The following CSN1S1 variants were observed in gnomAD, a reference collection of about 807,000 sequenced individuals.
The protein encoded by CSN1S1 is alpha-S1-casein.
CSN1S1 carries 63 observed loss-of-function variants against 49.1 expected under a neutral mutation model. That is an observed-to-expected ratio of 1.28 (90% CI 1.05 to 1.58). The LOEUF is 1.58. CSN1S1 is among the 40% of genes most tolerant of loss of function. The pLI is 0.00. For synonymous variants in CSN1S1, 78 were observed against 67.1 expected (o/e 1.16, Z -0.79); for missense variants, 260 against 224.7 (o/e 1.16, Z -1.01).
chr4:69,938,302 G>T (rs1419950853), intron 9 of CSN1S1, among the ~76,000 whole-genome samples: 1 of 151,752 alleles, frequency 6.6e-6, no homozygotes. Flanking sequence ...GTATAGGTTG[G>T]TGCAAAAGTT....
In CSN1S1 at chr4:69,932,598, GC is replaced by G; in HGVS notation, c.45del (p.Arg16GlyfsTer24). 6.3e-7 allele frequency: 1 copy of G among 1,598,528 alleles called. No homozygotes were observed. Among genetic ancestry groups the G allele is most frequent in the Non-Finnish European group, 8.5e-7 (1 of 1,171,012 alleles). ...CACCTGTCTTGTGGCTGTTGCTCTT[GC>G]CAGGCCTGTAAGTTCAGTAGAGAAT... ...ILTCLVAVALARPKLPLRYPE... is the reference protein window; with the variant it reads ...ILTCLVAVALXRPKLPLRYPE... On this transcript the variant is annotated frameshift_variant, in exon 2 of 16. Coordinates refer to ENST00000246891, the MANE Select transcript of CSN1S1 (RefSeq NM_001890.2). LOFTEE classifies it high-confidence loss of function.
chr4:69,946,149 A>C (rs201159299), intron 15 of CSN1S1, 47 bp from the exon 16 acceptor site: 90 of 479,038 alleles, frequency 1.9e-4, no homozygotes, highest in African/African-American at 1.6e-3. Context: ...TCTTTTCTTC[A>C]AAAATATTTA....
intron 15 of CSN1S1, 34 bp from the exon 16 acceptor site, chr4:69,946,162 A>G (rs1723159804): frequency 3.9e-6 from 2 of 511,434 alleles, no homozygotes; most frequent in Non-Finnish European, 7.2e-6. Flanking sequence ...AATATTTAAT[A>G]TAACTCACCA....
At position 69,941,074 on chromosome 4, in the gene CSN1S1, C is replaced by T; in HGVS notation, c.342+14C>T. ...CAACTTCAGCTGGTAATATTTTATT[C>T]ATTATAATACAAAATCATATTCTAC... On this transcript the variant is annotated intron_variant, in intron 12 of 15. Transcript: ENST00000246891. 7.5e-7 allele frequency: 1 copy of T among 1,338,234 alleles called. No individual in the cohort carries two copies. The highest frequency in any genetic ancestry group is 1.4e-5 in the South Asian group (1 of 72,776). 82.9% of individuals were successfully genotyped at this position (1,338,234 alleles called of 1,614,324 possible).
At position 69,944,954 on chromosome 4, in the gene CSN1S1, T is replaced by C; in HGVS notation, c.507T>C (p.Asn169=). 1.2e-6 allele frequency: 2 copies of C among 1,612,848 alleles called. No individual in the cohort carries two copies. Among genetic ancestry groups the C allele is most frequent in the Non-Finnish European group, 1.7e-6 (2 of 1,179,232 alleles). ...VPFPPFSDIS[N]PTAHENYEKN... ...TCCCACCGTTTTCCGACATCTCCAATCCCACTGCTCATGAAAATTATGAAA... is the reference window on the plus strand; with the variant it reads ...TCCCACCGTTTTCCGACATCTCCAACCCCACTGCTCATGAAAATTATGAAA... Residue 169 remains asparagine (N), a synonymous_variant, in exon 15 of 16, where the codon AAT becomes AAC. Coordinates refer to ENST00000246891, the MANE Select transcript of CSN1S1 (RefSeq NM_001890.2).
intron 8 of CSN1S1, 51 bp downstream of exon 8, chr4:69,937,195 A>T: frequency 8.2e-7 from 1 of 1,213,798 alleles, no homozygotes; most frequent in Non-Finnish European, 1.1e-6. Flanking sequence ...AAAAGAAACA[A>T]TACATATTTC....
chr4:69,938,988 C>T (rs1410916317), intron 9 of CSN1S1, among the ~76,000 whole-genome samples, 188 bp from the exon 10 acceptor site: 1 of 151,662 alleles, frequency 6.6e-6, no homozygotes, highest in Non-Finnish European at 1.5e-5. Context: ...ATTAAACCTA[C>T]CACCATAATT....
intron 12 of CSN1S1, among the ~76,000 whole-genome samples, chr4:69,941,597 C>T (rs568664311): frequency 5.3e-5 from 8 of 151,760 alleles, no homozygotes; most frequent in East Asian, 1.9e-4. Context: ...ACAAATTTGA[C>T]GTAATGAAGG....
At chr4:69,936,064 A>G in intron 5 of CSN1S1, 115 bp downstream of exon 5, 1 of 816,000 alleles carries the variant, frequency 1.2e-6, no homozygotes, top group Non-Finnish European at 2.0e-6. Flanking sequence ...AACAAATTTG[A>G]GTGGAACAAA....
Position 69,945,685 on chromosome 4 carries a change from T to A in CSN1S1, c.*-511T>A, listed in dbSNP as rs140462187. Among the ~76,000 whole-genome samples the A allele has an allele frequency of 2.0e-5, 3 of 152,072 alleles. No individual in the cohort carries two copies. In the East Asian group the frequency reaches 5.8e-4, roughly 29 times the overall value. On this transcript the variant is annotated intron_variant, in intron 15 of 15. Coordinates refer to ENST00000246891, the MANE Select transcript of CSN1S1 (RefSeq NM_001890.2). ...GGAACTCCACAGTTAGGGCCCTTGG[T>A]AAGTTTGGAAATTATGTATCTAACC... is the stretch of plus-strand genomic sequence containing the variant.
intron 11 of CSN1S1, among the ~76,000 whole-genome samples, chr4:69,940,403 A>G (rs1252873815): frequency 6.6e-6 from 1 of 151,766 alleles, no homozygotes; most frequent in Non-Finnish European, 1.5e-5. Context: ...TTTGTAATTT[A>G]TAGTCTCCTT....
chr4:69,939,136 A>T (rs1465572581), intron 9 of CSN1S1, 40 bp from the exon 10 acceptor site: 1 of 1,514,118 alleles, frequency 6.6e-7, no homozygotes, highest in East Asian at 2.3e-5. Context: ...AAATTCTAAA[A>T]ATCCCAGGGG....
chr4:69,943,629 G>A (rs556252895), intron 14 of CSN1S1, among the ~76,000 whole-genome samples: 27 of 152,074 alleles, frequency 1.8e-4, no homozygotes, highest in African/African-American at 5.8e-4. Context: ...TGCTGCTATA[G>A]CGGAATACCA....
At chr4:69,934,664 C>A in intron 3 of CSN1S1, 26 bp from the exon 4 acceptor site, 1 of 1,594,116 alleles carries the variant, frequency 6.3e-7, no homozygotes, top group Non-Finnish European at 8.6e-7. Flanking sequence ...GGAATAATAC[C>A]ATTTAAAAAT....
chr4:69,935,710 C>G (rs559262029), intron 4 of CSN1S1, among the ~76,000 whole-genome samples: 17 of 152,084 alleles, frequency 1.1e-4, no homozygotes, highest in Non-Finnish European at 2.2e-4. Flanking sequence ...ACACTCTGCT[C>G]TCCTTTCCGT....
chr4:69,945,122 C>A, intron 15 of CSN1S1, 118 bp downstream of exon 15: 5 of 1,039,668 alleles, frequency 4.8e-6, no homozygotes, highest in Non-Finnish European at 7.1e-6. Context: ...ATGCCTACTG[C>A]AAAGGACTAA....
chr4:69,932,051 AAAAG>A (rs1052792267), intron 1 of CSN1S1, among the ~76,000 whole-genome samples: 4 of 151,952 alleles, frequency 2.6e-5, no homozygotes, highest in African/African-American at 9.7e-5. Context: ...TGAAGACTCT[AAAAG>A]AAAAGAATGC....
intron 9 of CSN1S1, among the ~76,000 whole-genome samples, chr4:69,938,704 T>C (rs1411920628): frequency 6.6e-6 from 1 of 151,750 alleles, no homozygotes; most frequent in Non-Finnish European, 1.5e-5. Flanking sequence ...AAAGTAAATA[T>C]TTTAAAATCT....
chr4:69,937,518 TAA>T (rs1308874036), intron 8 of CSN1S1, among the ~76,000 whole-genome samples: 1 of 151,302 alleles, frequency 6.6e-6, no homozygotes, highest in African/African-American at 2.4e-5. Flanking sequence ...AGCCAAGTTT[TAA>T]AAGAGGGAAA....
Sources: allele counts gnomAD v4.1 joint callset (sites outside exome capture counted in the v4.1 genomes callset), GRCh38; gene constraint gnomAD v4.1.1; transcripts MANE v1.5; gene names NCBI Gene and HGNC (gene_info 2026-07-23, HGNC 2026-07-21).